CERS6: variants seen among roughly 807,000 people sequenced by gnomAD.
CERS6 encodes ceramide synthase 6.
CERS6 carries 26 observed loss-of-function variants against 56.8 expected under a neutral mutation model. The ratio of observed to expected loss-of-function variants is 0.46; its 90% CI spans 0.34 to 0.63. The LOEUF is 0.63. CERS6 is among the 30% of genes least tolerant of loss of function. The pLI is 0.01. For synonymous variants in CERS6, 164 were observed against 173.3 expected (o/e 0.95, Z 0.42); for missense variants, 415 against 467.5 (o/e 0.89, Z 1.04).
chr2:168,708,676 G>A (rs962821376), intron 6 of CERS6, among the ~76,000 whole-genome samples: 2 of 152,050 alleles, frequency 1.3e-5, no homozygotes, highest in African/African-American at 4.8e-5. Context: ...TGCGTCATTT[G>A]CATCGAAGGG....
chr2:168,583,381 A>T (rs1683465960), intron 3 of CERS6, among the ~76,000 whole-genome samples: 7 of 152,194 alleles, frequency 4.6e-5, no homozygotes, highest in Admixed American at 4.6e-4. Flanking sequence ...CATTCAAGAA[A>T]CAGCCCCACT....
chr2:168,735,498 A>T (rs766497276), intron 8 of CERS6, among the ~76,000 whole-genome samples: 1 of 152,072 alleles, frequency 6.6e-6, no homozygotes, highest in South Asian at 2.1e-4. Context: ...TCAGGGCTCT[A>T]TGAGTGTGAT....
intron 3 of CERS6, among the ~76,000 whole-genome samples, chr2:168,622,822 A>G (rs976339574): frequency 1.3e-5 from 2 of 152,230 alleles, no homozygotes; most frequent in Admixed American, 6.5e-5. Context: ...TCAAGTCTGC[A>G]TAACCTGTCT....
At chr2:168,569,333 C>T (rs1433035107) in intron 3 of CERS6, among the ~76,000 whole-genome samples, 1 of 152,192 alleles carries the variant, frequency 6.6e-6, no homozygotes, top group African/African-American at 2.4e-5. Context: ...GGAGGTAGGG[C>T]TTCAACGTAT....
chr2:168,600,210 CT>C (rs1553497957), intron 3 of CERS6, among the ~76,000 whole-genome samples: 4 of 145,738 alleles, frequency 2.7e-5, no homozygotes, highest in African/African-American at 1.0e-4. Flanking sequence ...CTCTCTCTCT[CT>C]TTTTTTTTTT....
chr2:168,585,833 G>A (rs191464766), intron 3 of CERS6, among the ~76,000 whole-genome samples: 6 of 152,328 alleles, frequency 3.9e-5, no homozygotes, highest in Admixed American at 2.0e-4. Flanking sequence ...ACGTCTCCCT[G>A]TGTGACATCT....
chr2:168,691,583 G>A (rs1304464899), intron 5 of CERS6, among the ~76,000 whole-genome samples: 1 of 152,204 alleles, frequency 6.6e-6, no homozygotes, highest in African/African-American at 2.4e-5. Context: ...ATGACATGTG[G>A]AAGGATTATT....
chr2:168,773,588 A>G lies in CERS6; in HGVS notation c.*3926A>G, dbSNP rs1684920667. 1.3e-5 allele frequency: 2 copies of G among 152,246 alleles called. No homozygotes were observed. The highest frequency in any genetic ancestry group is 4.8e-5 in the African/African-American group (2 of 41,468). The allele number at this position is 152,246 out of a possible 1,614,324, so 9.4% of individuals were successfully genotyped here. A position where few individuals can be genotyped will look rare whatever the true frequency, so the allele number is the denominator to read the frequency against. On this transcript the variant is annotated 3_prime_UTR_variant, in exon 10 of 10. Coordinates refer to ENST00000305747, the MANE Select transcript of CERS6 (RefSeq NM_203463.3). ...TGGAAAGAGAAAATGCAATGAGCCC[A>G]GTTACTGCACTTGCCACTACCATGC...
chr2:168,747,292 T>C (rs373036174), intron 8 of CERS6, among the ~76,000 whole-genome samples: 1 of 29,372 alleles, frequency 3.4e-5, no homozygotes, highest in Non-Finnish European at 7.6e-5. Flanking sequence ...TCTCAACAAA[T>C]TTTTTTTTTT....
At chr2:168,475,697 G>A (rs1694056211) in intron 1 of CERS6, among the ~76,000 whole-genome samples, 1 of 152,182 alleles carries the variant, frequency 6.6e-6, no homozygotes, top group Admixed American at 6.5e-5. Flanking sequence ...GAAGTAGCTA[G>A]TTTCTTAATA....
At chr2:168,555,722 C>CTGTG (rs58781728) in intron 2 of CERS6, among the ~76,000 whole-genome samples, 3,995 of 140,934 alleles carry the variant, frequency 0.028, 115 homozygotes, top group African/African-American at 0.072. Context: ...ATAATTGACT[C>CTGTG]TGTGTGTGTG....
chr2:168,664,817 TC>T (rs1452578069), intron 4 of CERS6, among the ~76,000 whole-genome samples: 2 of 152,158 alleles, frequency 1.3e-5, no homozygotes, highest in African/African-American at 4.8e-5. Flanking sequence ...ACCTCCTATC[TC>T]ATCCTGTGAC....
intron 8 of CERS6, among the ~76,000 whole-genome samples, chr2:168,759,271 A>C (rs1684499305): frequency 1.3e-5 from 2 of 152,192 alleles, no homozygotes; most frequent in Admixed American, 1.3e-4. Flanking sequence ...TGGGATGCCC[A>C]TTCATTTGAT....
intron 8 of CERS6, among the ~76,000 whole-genome samples, chr2:168,756,410 G>A (rs1210048137): frequency 6.6e-6 from 1 of 152,174 alleles, no homozygotes; most frequent in African/African-American, 2.4e-5. Flanking sequence ...TTTGTGTCTT[G>A]AATATTTTGT....
Position 168,576,572 on chromosome 2 carries a change from TTTG to T in CERS6, c.407+15253_407+15255del, listed in dbSNP as rs1282158269. On this transcript the variant is annotated intron_variant, in intron 3 of 9. Coordinates refer to ENST00000305747, the MANE Select transcript of CERS6 (RefSeq NM_203463.3). ...TGTACATTAAAGTTCTCTTAATTTT[TTTG>T]TTTTGAAACAATTTTTTTATTTTGA... Among the ~76,000 whole-genome samples, 3 of 152,236 alleles carry T rather than the reference TTTG, an allele frequency of 2.0e-5. No homozygotes were observed. In the East Asian group the frequency reaches 5.8e-4, roughly 29 times the overall value.
chr2:168,522,473 T>G (rs977276321), intron 1 of CERS6, among the ~76,000 whole-genome samples: 4 of 152,220 alleles, frequency 2.6e-5, no homozygotes, highest in Non-Finnish European at 5.9e-5. Flanking sequence ...AATAATTTAG[T>G]TAGTAAGCTA....
At chr2:168,571,493 G>A (rs1241173993) in intron 3 of CERS6, among the ~76,000 whole-genome samples, 1 of 152,054 alleles carries the variant, frequency 6.6e-6, no homozygotes, top group Non-Finnish European at 1.5e-5. Flanking sequence ...CTAAGTAACA[G>A]GGTATCAAGC....
At chr2:168,558,292 C>G (rs1222923040) in intron 2 of CERS6, among the ~76,000 whole-genome samples, 1 of 152,108 alleles carries the variant, frequency 6.6e-6, no homozygotes, top group African/African-American at 2.4e-5. Flanking sequence ...TATAAAATGG[C>G]CCAGGTAAGG....
rs567970543 is a variant in CERS6 at position 168,539,977 on chromosome 2, G to A, written c.171-7619G>A. 5.9e-5 allele frequency among the ~76,000 whole-genome samples: 9 copies of A among 152,244 alleles called. No homozygotes were observed. The South Asian group carries it at 1.5e-3, about 25-fold the overall frequency. ...TACCAATATATTTGTCATTTCTGAT[G>A]CTCTATTCATTTGTAAAGATCTAAG... is the stretch of plus-strand genomic sequence containing the variant. On this transcript the variant is annotated intron_variant, in intron 1 of 9. Coordinates refer to ENST00000305747, the MANE Select transcript of CERS6 (RefSeq NM_203463.3).
Sources: gnomAD v4.1 joint callset for allele counts (sites outside exome capture counted in the v4.1 genomes callset) on GRCh38, gnomAD v4.1.1 for gene constraint, MANE v1.5 for transcripts, NCBI Gene and HGNC (gene_info 2026-07-23, HGNC 2026-07-21) for gene names.